Variants in CAGE1 observed in about 807,000 individuals in gnomAD.
The protein encoded by CAGE1 is cancer-associated gene 1 protein.
A neutral mutation model predicts 94.9 loss-of-function variants in CAGE1; 66 were observed. The observed-to-expected ratio is 0.70, with a 90% CI of 0.57 to 0.85. CAGE1 has a LOEUF of 0.85. Among genes scored for constraint, CAGE1 ranks in the 40% least tolerant of loss-of-function variants. CAGE1 has a pLI of 0.00. For synonymous variants in CAGE1, 319 were observed against 321.0 expected (o/e 0.99, Z 0.07); for missense variants, 865 against 950.4 (o/e 0.91, Z 1.18).
chr6:7,389,242 A>T lies in CAGE1; in HGVS notation c.-64T>A, dbSNP rs113809305. On this transcript the variant is annotated 5_prime_UTR_variant, in exon 1 of 14. Transcript: ENST00000502583. ...TTATCTCATTCATTTTTCACCTCAAAACGAGACACCAAACTTTTTAAGACA... is the reference window on the plus strand; with the variant it reads ...TTATCTCATTCATTTTTCACCTCAATACGAGACACCAAACTTTTTAAGACA... The T allele has an allele frequency of 1.9e-3, 889 of 456,226 alleles. 4 individuals are homozygous for T. The highest frequency in any genetic ancestry group is 2.6e-3 in the Non-Finnish European group (597 of 226,946). 28.3% of individuals were successfully genotyped at this position (456,226 alleles called of 1,614,324 possible). A position where few individuals can be genotyped will look rare whatever the true frequency, so the allele number is the denominator to read the frequency against.
intron 4 of CAGE1, among the ~76,000 whole-genome samples, chr6:7,377,821 T>A (rs544369934): frequency 3.9e-4 from 59 of 152,340 alleles, no homozygotes; most frequent in African/African-American, 1.4e-3. Flanking sequence ...TACCAATTCC[T>A]AGTATTTTTA....
At chr6:7,334,817 T>A (rs916592434) in intron 11 of CAGE1, among the ~76,000 whole-genome samples, 2 of 151,222 alleles carry the variant, frequency 1.3e-5, no homozygotes, top group Non-Finnish European at 2.9e-5. Flanking sequence ...AAATATGTGA[T>A]AGCATTACAA....
rs1364516241 is a variant in CAGE1, at chr6:7,386,987, A to G, written c.187T>C (p.Leu63=). The part of the protein sequence containing the change: ...CMETTGTTCD[L]PQNEIKNFER... ...TTATAAGCAATGCACACCTGAGGCA[A>G]GTCACAAGTGGTGCCGGTGGTTTCC... is the stretch of plus-strand genomic sequence containing the variant. The change falls in exon 2 of 14, where the codon TTG becomes CTG. Residue 63 remains leucine (L), a synonymous_variant. Coordinates refer to ENST00000502583, the MANE Select transcript of CAGE1 (RefSeq NM_001170692.2). 2 of 1,550,184 alleles carry G rather than the reference A, an allele frequency of 1.3e-6. No homozygotes were observed. The highest frequency in any genetic ancestry group is 2.7e-5 in the African/African-American group (2 of 73,022).
rs1554136907 is a variant in CAGE1, at chr6:7,343,198, A to AAAAG, written c.2370-9109_2370-9108insCTTT. Among the ~76,000 whole-genome samples, 42 of 137,354 alleles carry AAAAG rather than the reference A, an allele frequency of 3.1e-4. No individual in the cohort carries two copies. In the South Asian group the frequency reaches 9.3e-3, roughly 30 times the overall value. The allele number at this position is 137,354 out of a possible 152,430, so 90.1% of individuals were successfully genotyped here. A position where few individuals can be genotyped will look rare whatever the true frequency, so the allele number is the denominator to read the frequency against. The stretch of plus-strand genomic sequence containing the variant: ...TGCGAGACTCTGTCCCACAAAAAAA[A>AAAAG]AAAAGAAAAGAAAAGAAAAGAAAAA... On this transcript the variant is annotated intron_variant, in intron 11 of 13. Coordinates refer to ENST00000502583, the MANE Select transcript of CAGE1 (RefSeq NM_001170692.2).
chr6:7,342,371 A>G (rs1759215340), intron 11 of CAGE1, among the ~76,000 whole-genome samples: 1 of 152,170 alleles, frequency 6.6e-6, no homozygotes, highest in Non-Finnish European at 1.5e-5. Flanking sequence ...CCTGCTCATC[A>G]GCTGCATGAA....
rs773887819 is a variant in CAGE1, at chr6:7,333,642, CTATATATATATATATATA to C, written c.2438+362_2438+379del. Among the ~76,000 whole-genome samples, 9 of 121,516 alleles carry C rather than the reference CTATATATATATATATATA, an allele frequency of 7.4e-5. No homozygotes were observed. The East Asian group carries it at 1.6e-3, about 22-fold the overall frequency. 79.7% of individuals were successfully genotyped at this position (121,516 alleles called of 152,430 possible). On this transcript the variant is annotated intron_variant, in intron 12 of 13. Coordinates refer to ENST00000502583, the MANE Select transcript of CAGE1 (RefSeq NM_001170692.2). The stretch of plus-strand genomic sequence containing the variant: ...ATTATCTAACTATCTATCTAACTAT[CTATATATATATATATATA>C]TATATATATATATACATTTTTTTTT...
chr6:7,326,924 C>T (rs771576244), intron 13 of CAGE1, 25 bp from the exon 14 acceptor site: 24 of 1,569,094 alleles, frequency 1.5e-5, no homozygotes, highest in East Asian at 1.1e-4. Flanking sequence ...AAAAATGTTT[C>T]GTAAGTTTTG....
At position 7,378,935 on chromosome 6, in the gene CAGE1, G is replaced by T; in HGVS notation, c.369C>A (p.Thr123=). ...CTTCTACCCAGTGAAATTTGCAAAC[G>T]GTTTCAAATTGTCTCAAGGAAGATA... ...ISISSLRQFE[T]VCKFHWVEAF... is the part of the protein sequence containing the mutation. Residue 123 remains threonine (T), a synonymous_variant, in exon 4 of 14, where the codon ACC becomes ACA. Coordinates refer to ENST00000502583, the MANE Select transcript of CAGE1 (RefSeq NM_001170692.2). The T allele has an allele frequency of 6.3e-7, 1 of 1,596,984 alleles. No homozygotes were observed. Among genetic ancestry groups the T allele is most frequent in the South Asian group, 1.1e-5 (1 of 89,084 alleles).
intron 12 of CAGE1, chr6:7,331,153 A>G (rs12206362): frequency 0.13 from 29,135 of 232,050 alleles, 2,145 homozygotes; most frequent in African/African-American, 0.22. Flanking sequence ...CTTTTTTTAC[A>G]TCTTTAATGA....
At chr6:7,332,573 C>T (rs1758795181) in intron 12 of CAGE1, among the ~76,000 whole-genome samples, 1 of 152,190 alleles carries the variant, frequency 6.6e-6, no homozygotes, top group Admixed American at 6.5e-5. Context: ...CCTTAGTTTT[C>T]TTAGGCATGA....
chr6:7,333,677 T>C (rs1376199263), intron 12 of CAGE1, among the ~76,000 whole-genome samples: 4 of 140,332 alleles, frequency 2.9e-5, no homozygotes, highest in Admixed American at 2.8e-4. Flanking sequence ...TATATATACA[T>C]TTTTTTTTTG....
intron 11 of CAGE1, among the ~76,000 whole-genome samples, chr6:7,342,430 G>A (rs776513862): frequency 6.6e-6 from 1 of 152,194 alleles, no homozygotes; most frequent in Non-Finnish European, 1.5e-5. Flanking sequence ...CAACAGCTGG[G>A]TATAGATGCT....
chr6:7,345,837 A>C (rs1223594139), intron 11 of CAGE1, among the ~76,000 whole-genome samples: 1 of 152,150 alleles, frequency 6.6e-6, no homozygotes, highest in African/African-American at 2.4e-5. Flanking sequence ...AGGCAGGAGA[A>C]TGGTGTGAAC....
intron 13 of CAGE1, among the ~76,000 whole-genome samples, chr6:7,328,665 AGGAATAAGTCCCAGT>A (rs1758614419): frequency 2.0e-5 from 3 of 152,260 alleles, no homozygotes; most frequent in Non-Finnish European, 4.4e-5. Context: ...GCTAGATAGA[AGGAATAAGTCCCAGT>A]GTTCTGTAAC....
chr6:7,335,600 G>A (rs1034968793), intron 11 of CAGE1, among the ~76,000 whole-genome samples: 3 of 152,208 alleles, frequency 2.0e-5, no homozygotes, highest in Non-Finnish European at 4.4e-5. Context: ...ACTATTCAGA[G>A]ACAGAGTCTC....
At chr6:7,341,047 T>C in intron 11 of CAGE1, 1 of 478,930 alleles carries the variant, frequency 2.1e-6, no homozygotes, top group Non-Finnish European at 4.1e-6. Context: ...CTTTTTCAAG[T>C]TGATCCAGAT....
intron 4 of CAGE1, among the ~76,000 whole-genome samples, chr6:7,377,484 T>A (rs1760784308): frequency 6.6e-6 from 1 of 152,180 alleles, no homozygotes; most frequent in Non-Finnish European, 1.5e-5. Context: ...AGCTCACACC[T>A]GTAATCCCAG....
chr6:7,334,461 G>C (rs2113349049), intron 11 of CAGE1, among the ~76,000 whole-genome samples: 1 of 152,234 alleles, frequency 6.6e-6, no homozygotes, highest in Non-Finnish European at 1.5e-5. Context: ...AGACATGGTG[G>C]CTCACACCTG....
At chr6:7,345,094 A>C (rs1290919716) in intron 11 of CAGE1, among the ~76,000 whole-genome samples, 1 of 151,734 alleles carries the variant, frequency 6.6e-6, no homozygotes, top group Non-Finnish European at 1.5e-5. Flanking sequence ...CCTGCAGTAA[A>C]TCTTAACTCT....
Sources: allele counts gnomAD v4.1 joint callset (sites outside exome capture counted in the v4.1 genomes callset), GRCh38; gene constraint gnomAD v4.1.1; transcripts MANE v1.5; gene names NCBI Gene and HGNC (gene_info 2026-07-23, HGNC 2026-07-21).